The following COL4A1 variants were observed in gnomAD, a reference collection of about 807,000 sequenced individuals.
COL4A1 encodes the protein collagen alpha-1(IV) chain.
A neutral mutation model predicts 216.6 loss-of-function variants in COL4A1; 40 were observed. That is an observed-to-expected ratio of 0.18 (90% CI 0.14 to 0.24). The LOEUF (loss-of-function observed/expected upper bound fraction) is 0.24, where lower values mean the gene tolerates loss of function less well. Among genes scored for constraint, COL4A1 ranks in the 10% least tolerant of loss-of-function variants. COL4A1 has a pLI of 1.00. For synonymous variants in COL4A1, 839 were observed against 810.7 expected (o/e 1.03, Z -0.59); for missense variants, 1,628 against 2,196.8 (o/e 0.74, Z 5.18).
intron 1 of COL4A1, among the ~76,000 whole-genome samples, chr13:110,261,776 CCTAAGGACACTCTGCGTCCT>C (rs912056942): frequency 6.6e-5 from 10 of 152,324 alleles, no homozygotes; most frequent in Admixed American, 3.3e-4. Context: ...GACATTGTCT[CCTAAGGACACTCTGCGTCCT>C]CTGCCACCCC....
chr13:110,177,424 AT>A (rs1877936364), intron 33 of COL4A1, among the ~76,000 whole-genome samples: 1 of 152,202 alleles, frequency 6.6e-6, no homozygotes, highest in African/African-American at 2.4e-5. Flanking sequence ...CATGTGTCAT[AT>A]TTACAGTATT....
chr13:110,201,641 G>A lies in COL4A1; in HGVS notation c.1000-119C>T. ...TTTTTATTTCAAGAAATATGAAAGTGAAGTAGCAGCAATGGTAGCGGACAA... is the reference window on the plus strand; with the variant it reads ...TTTTTATTTCAAGAAATATGAAAGTAAAGTAGCAGCAATGGTAGCGGACAA... On this transcript the variant is annotated intron_variant, in intron 18 of 51. Transcript: ENST00000375820. 3 of 930,984 alleles carry A rather than the reference G, an allele frequency of 3.2e-6. No homozygotes were observed. The South Asian group carries it at 3.9e-5, about 12-fold the overall frequency. The allele number at this position is 930,984 out of a possible 1,614,324, so 57.7% of individuals were successfully genotyped here.
intron 2 of COL4A1, among the ~76,000 whole-genome samples, chr13:110,229,580 C>A (rs1216512432): frequency 1.3e-5 from 2 of 152,166 alleles, no homozygotes; most frequent in Non-Finnish European, 2.9e-5. Context: ...GAAATTCTAA[C>A]CCCCAAGGTG....
intron 2 of COL4A1, among the ~76,000 whole-genome samples, chr13:110,230,575 C>T (rs1468077231): frequency 5.9e-5 from 9 of 152,032 alleles, no homozygotes; most frequent in Non-Finnish European, 8.8e-5. Context: ...TCCTCTAAGA[C>T]CACGGGGAGC....
intron 2 of COL4A1, 146 bp from the exon 3 acceptor site, chr13:110,214,161 G>A (rs1191370053): frequency 1.3e-5 from 9 of 701,160 alleles, no homozygotes; most frequent in Non-Finnish European, 2.0e-5. Flanking sequence ...GCACGATCTC[G>A]GCTCACTGCA....
intron 2 of COL4A1, among the ~76,000 whole-genome samples, chr13:110,236,965 C>T (rs907110051): frequency 2.0e-5 from 3 of 152,134 alleles, no homozygotes; most frequent in African/African-American, 4.8e-5. Flanking sequence ...CACAGGGGCT[C>T]GCTGTGGGTT....
chr13:110,163,459 C>G lies in COL4A1; in HGVS notation c.4249+4G>C, dbSNP rs1448534029. 2 of 1,613,980 alleles carry G rather than the reference C, an allele frequency of 1.2e-6. No homozygotes were observed. The highest frequency in any genetic ancestry group is 2.7e-5 in the African/African-American group (2 of 74,914). ...GTAATTACGTTGGAAGTTTCGCAAC[C>G]TACCAGTAGGCCCGGCAGGTCCCAT... On this transcript the variant is annotated splice_donor_region_variant and intron_variant, in intron 47 of 51. Coordinates refer to ENST00000375820, the MANE Select transcript of COL4A1 (RefSeq NM_001845.6).
At chr13:110,303,597 T>G (rs56192544) in intron 1 of COL4A1, among the ~76,000 whole-genome samples, 4,271 of 152,324 alleles carry the variant, frequency 0.028, 75 homozygotes, top group Middle Eastern at 0.075. Flanking sequence ...GGAAATGACA[T>G]GCTGGTGTAT....
intron 2 of COL4A1, among the ~76,000 whole-genome samples, chr13:110,216,137 C>T (rs771547045): frequency 6.6e-6 from 1 of 152,210 alleles, no homozygotes; most frequent in Non-Finnish European, 1.5e-5. Flanking sequence ...GAAGCACAGA[C>T]GTGACTCCAC....
intron 1 of COL4A1, among the ~76,000 whole-genome samples, chr13:110,285,585 C>T (rs566483060): frequency 1.3e-5 from 2 of 152,294 alleles, no homozygotes; most frequent in Non-Finnish European, 2.9e-5. Flanking sequence ...GGTGTTTCTG[C>T]ATGAGATGAA....
chr13:110,175,238 G>C lies in COL4A1; in HGVS notation c.3178C>G (p.Pro1060Ala), dbSNP rs886044336. ...GQAGPPGIGIPGLRGEKGDQG... is the reference protein window; with the variant it reads ...GQAGPPGIGIAGLRGEKGDQG... ...GTTACCTTTTCACCTCGCAGCCCTG[G>C]GATGCCTATGCCAGGTGGGCCTGCC... is the stretch of plus-strand genomic sequence containing the variant. Residue 1060 changes from proline to alanine, a missense_variant, in exon 37 of 52, where the codon CCA (proline) becomes GCA (alanine). Pro to Ala is a conservative substitution (Grantham distance 27). Coordinates refer to ENST00000375820, the MANE Select transcript of COL4A1 (RefSeq NM_001845.6). 2.5e-6 allele frequency: 4 copies of C among 1,614,064 alleles called. No homozygotes were observed. Among genetic ancestry groups the C allele is most frequent in the Non-Finnish European group, 3.4e-6 (4 of 1,180,018 alleles).
intron 49 of COL4A1, 51 bp downstream of exon 49, chr13:110,161,139 TAG>T (rs761053785): frequency 1.5e-4 from 236 of 1,567,430 alleles, no homozygotes; most frequent in Non-Finnish European, 2.0e-4. Flanking sequence ...TTGTCCAGAC[TAG>T]AGACTTTTCC....
chr13:110,286,732 G>A (rs9670769), intron 1 of COL4A1, among the ~76,000 whole-genome samples: 67,895 of 152,022 alleles, frequency 0.45, 15,295 homozygotes, highest in Middle Eastern at 0.53. Flanking sequence ...TGCTGGCCTC[G>A]CAGAGAGGCA....
chr13:110,252,364 A>G (rs897210781), intron 1 of COL4A1, among the ~76,000 whole-genome samples: 2 of 150,864 alleles, frequency 1.3e-5, no homozygotes, highest in African/African-American at 2.4e-5. Flanking sequence ...ACAATCTCCA[A>G]ATTTATAATA....
intron 18 of COL4A1, among the ~76,000 whole-genome samples, chr13:110,203,107 G>T (rs1879322220): frequency 6.6e-6 from 1 of 152,060 alleles, no homozygotes; most frequent in South Asian, 2.1e-4. Context: ...CAGCTACACG[G>T]GGGGCTGAGA....
At chr13:110,260,425 C>T (rs1463867849) in intron 1 of COL4A1, among the ~76,000 whole-genome samples, 1 of 152,142 alleles carries the variant, frequency 6.6e-6, no homozygotes, top group Non-Finnish European at 1.5e-5. Flanking sequence ...GGTGGGGATA[C>T]AGTGAAACCA....
In COL4A1 at chr13:110,200,893, A is replaced by AAAAGAG; in HGVS notation, c.1085-10_1085-5dup. 6.2e-7 allele frequency: 1 copy of AAAAGAG among 1,614,156 alleles called. No homozygotes were observed. Among genetic ancestry groups the AAAAGAG allele is most frequent in the Non-Finnish European group, 8.5e-7 (1 of 1,179,984 alleles). On this transcript the variant is annotated splice_region_variant and splice_polypyrimidine_tract_variant and intron_variant, in intron 19 of 51. Coordinates refer to ENST00000375820, the MANE Select transcript of COL4A1 (RefSeq NM_001845.6). ...TGGCCTGGTAGTCCTGGGAAACCTG[A>AAAAGAG]AAAGAGAAAGAGAGTGTTGGATCAA...
chr13:110,201,687 T>TA, intron 18 of COL4A1, 165 bp from the exon 19 acceptor site: 1 of 783,042 alleles, frequency 1.3e-6, no homozygotes, highest in Non-Finnish European at 2.3e-6. Context: ...GATAAGCCTC[T>TA]AAAACATATG....
intron 1 of COL4A1, among the ~76,000 whole-genome samples, chr13:110,292,293 T>C (rs1013173977): frequency 6.6e-6 from 1 of 152,216 alleles, no homozygotes; most frequent in African/African-American, 2.4e-5. Flanking sequence ...GTTCCAGGCA[T>C]TGTCTTCTTA....
Sources: allele counts gnomAD v4.1 joint callset (sites outside exome capture counted in the v4.1 genomes callset), GRCh38; gene constraint gnomAD v4.1.1; transcripts MANE v1.5; gene names NCBI Gene and HGNC (gene_info 2026-07-23, HGNC 2026-07-21).